TSHZ2: variants seen among roughly 807,000 people sequenced by gnomAD.
TSHZ2 encodes the protein teashirt zinc finger homeobox 2, also known as teashirt homolog 2.
TSHZ2 carries 21 observed loss-of-function variants against 74.4 expected under a neutral mutation model. That is an observed-to-expected ratio of 0.28 (90% CI 0.20 to 0.41). The LOEUF (loss-of-function observed/expected upper bound fraction) is 0.41, where lower values mean the gene tolerates loss of function less well. Among genes scored for constraint, TSHZ2 ranks in the 10% least tolerant of loss-of-function variants. The pLI, the probability that TSHZ2 is intolerant of heterozygous loss-of-function variation, is 1.00. For missense variants in TSHZ2, 1,244 were observed against 1,293.5 expected (o/e 0.96, Z 0.59); for synonymous variants, 540 against 515.3 (o/e 1.05, Z -0.65).
chr20:53,113,936 G>C, intron 1 of TSHZ2, among the ~76,000 whole-genome samples: 1 of 151,750 alleles, frequency 6.6e-6, no homozygotes, highest in East Asian at 1.9e-4. Context: ...CAAAAAAAAA[G>C]GTCCATATAG....
intron 1 of TSHZ2, among the ~76,000 whole-genome samples, chr20:53,071,616 G>A (rs777153869): frequency 1.3e-4 from 20 of 152,156 alleles, no homozygotes; most frequent in Non-Finnish European, 2.2e-4. Flanking sequence ...AATTTTGGGG[G>A]AAGGGTCTAT....
At chr20:53,372,425 G>A (rs925696445) in intron 2 of TSHZ2, among the ~76,000 whole-genome samples, 1 of 151,954 alleles carries the variant, frequency 6.6e-6, no homozygotes, top group South Asian at 2.1e-4. Context: ...TGCAGTGATC[G>A]GAGATCACAC....
At chr20:53,260,820 T>C (rs548766223) in intron 2 of TSHZ2, among the ~76,000 whole-genome samples, 7 of 152,346 alleles carry the variant, frequency 4.6e-5, no homozygotes, top group African/African-American at 1.7e-4. Context: ...TACATGCTCT[T>C]ACCATGCTCT....
At chr20:53,326,828 T>C (rs373011671) in intron 2 of TSHZ2, among the ~76,000 whole-genome samples, 1 of 152,230 alleles carries the variant, frequency 6.6e-6, no homozygotes, top group African/African-American at 2.4e-5. Context: ...ATTTTAGTAA[T>C]CTGGGAAAAT....
At chr20:53,404,498 C>T (rs1288448136) in intron 2 of TSHZ2, among the ~76,000 whole-genome samples, 2 of 152,160 alleles carry the variant, frequency 1.3e-5, no homozygotes, top group Non-Finnish European at 2.9e-5. Flanking sequence ...AAAGTAACAA[C>T]CTAATAAAAA....
At chr20:53,307,724 C>A (rs1978603495) in intron 2 of TSHZ2, among the ~76,000 whole-genome samples, 1 of 152,202 alleles carries the variant, frequency 6.6e-6, no homozygotes, top group South Asian at 2.1e-4. Flanking sequence ...CATTTAACCA[C>A]CCGCCAGATC....
At chr20:53,355,257 A>G (rs1472358470) in intron 2 of TSHZ2, among the ~76,000 whole-genome samples, 1 of 152,196 alleles carries the variant, frequency 6.6e-6, no homozygotes, top group African/African-American at 2.4e-5. Context: ...CTGGGAGACA[A>G]GAGCCCTCCT....
At chr20:53,022,993 A>T (rs1983302824) in intron 1 of TSHZ2, among the ~76,000 whole-genome samples, 2 of 152,270 alleles carry the variant, frequency 1.3e-5, no homozygotes. Context: ...CTGCTGGAAA[A>T]TGCACCTCTA....
chr20:53,187,332 C>A (rs1988624133), intron 1 of TSHZ2, among the ~76,000 whole-genome samples: 1 of 152,184 alleles, frequency 6.6e-6, no homozygotes, highest in Non-Finnish European at 1.5e-5. Context: ...TTAGGCCCCA[C>A]CTGTGCCATT....
chr20:53,109,162 C>T (rs1274799663), intron 1 of TSHZ2, among the ~76,000 whole-genome samples: 7 of 152,220 alleles, frequency 4.6e-5, no homozygotes, highest in South Asian at 2.1e-4. Flanking sequence ...AATACACTTC[C>T]GTACTTCAGT....
At chr20:53,270,977 C>A (rs1364657057) in intron 2 of TSHZ2, among the ~76,000 whole-genome samples, 1 of 152,146 alleles carries the variant, frequency 6.6e-6, no homozygotes, top group Non-Finnish European at 1.5e-5. Flanking sequence ...TTAGACTCTC[C>A]CGTGAGCAGT....
chr20:53,466,252 A>G (rs1158821427), intron 2 of TSHZ2, among the ~76,000 whole-genome samples: 2 of 151,704 alleles, frequency 1.3e-5, no homozygotes, highest in Non-Finnish European at 2.9e-5. Flanking sequence ...TGCCTCGAAA[A>G]ATAAAAATAA....
At chr20:52,977,462 A>G (rs940704424) in intron 1 of TSHZ2, among the ~76,000 whole-genome samples, 44 of 147,216 alleles carry the variant, frequency 3.0e-4, no homozygotes, top group African/African-American at 9.7e-4. Flanking sequence ...ACACACACAC[A>G]CACACACGCA....
chr20:53,116,943 A>G (rs1180573790), intron 1 of TSHZ2, among the ~76,000 whole-genome samples: 4 of 152,072 alleles, frequency 2.6e-5, no homozygotes, highest in Non-Finnish European at 4.4e-5. Flanking sequence ...GAGTGTCAGC[A>G]TTATTGGGTT....
chr20:53,164,724 A>G (rs1988026735), intron 1 of TSHZ2, among the ~76,000 whole-genome samples: 1 of 152,240 alleles, frequency 6.6e-6, no homozygotes, highest in Admixed American at 6.5e-5. Flanking sequence ...CCTTCTATAG[A>G]AGAAAGCAGT....
At chr20:53,045,353 A>C (rs1984190712) in intron 1 of TSHZ2, among the ~76,000 whole-genome samples, 1 of 152,262 alleles carries the variant, frequency 6.6e-6, no homozygotes, top group African/African-American at 2.4e-5. Context: ...AAAGGAGAAG[A>C]GACCCAGGAT....
chr20:53,225,558 C>T, intron 1 of TSHZ2, among the ~76,000 whole-genome samples: 1 of 152,218 alleles, frequency 6.6e-6, no homozygotes, highest in South Asian at 2.1e-4. Context: ...TTTAACACTG[C>T]AGGGTCTGCA....
At chr20:53,229,038 A>C (rs1401276374) in intron 1 of TSHZ2, among the ~76,000 whole-genome samples, 1 of 152,140 alleles carries the variant, frequency 6.6e-6, no homozygotes, top group African/African-American at 2.4e-5. Flanking sequence ...CACTCTTTGC[A>C]CCTTTGCTTT....
intron 1 of TSHZ2, among the ~76,000 whole-genome samples, chr20:53,048,989 G>A (rs545531636): frequency 2.2e-4 from 34 of 152,294 alleles, no homozygotes; most frequent in Admixed American, 5.9e-4. Context: ...TTATTCTACC[G>A]AAACTGTCTG....
Sources: gnomAD v4.1 joint callset for allele counts (sites outside exome capture counted in the v4.1 genomes callset) on GRCh38, gnomAD v4.1.1 for gene constraint, MANE v1.5 for transcripts, NCBI Gene and HGNC (gene_info 2026-07-23, HGNC 2026-07-21) for gene names.